MIB1: variants seen among roughly 807,000 people sequenced by gnomAD.
The protein encoded by MIB1 is E3 ubiquitin-protein ligase MIB1.
A neutral mutation model predicts 124.5 loss-of-function variants in MIB1; 278 were observed. That is an observed-to-expected ratio of 2.23 (90% CI 2.02 to 2.47). The LOEUF is 2.47. Among genes scored for constraint, MIB1 ranks in the 30% most tolerant of loss-of-function variants. The pLI, the probability that MIB1 is intolerant of heterozygous loss-of-function variation, is 0.00. For synonymous variants in MIB1, 446 were observed against 429.4 expected, an observed-to-expected ratio of 1.04 and a Z score of -0.48; for missense variants, 957 against 1,254.4, an observed-to-expected ratio of 0.76 and a Z score of 3.58.
intron 12 of MIB1, among the ~76,000 whole-genome samples, chr18:21,823,231 C>A (rs2041894794): frequency 3.1e-5 from 4 of 129,918 alleles, no homozygotes; most frequent in Non-Finnish European, 1.6e-5. Context: ...AAGACTGTAT[C>A]AAAAAAAAAA....
chr18:21,819,601 A>C lies in MIB1; in HGVS notation c.1784A>C (p.Asn595Thr). Reference sequence around the variant, plus strand: ...GCAGATGTTACCATCACAAACAATAATGGATTTAATGCTCTGCATCATGCT... The same window carrying C: ...GCAGATGTTACCATCACAAACAATACTGGATTTAATGCTCTGCATCATGCT... ...AGADVTITNN[N>T]GFNALHHAAL... Residue 595 changes from asparagine (N) to threonine (T), a missense_variant, in exon 12 of 21, where the codon AAT becomes ACT. Transcript: ENST00000261537. The C allele has an allele frequency of 6.2e-7, 1 of 1,611,930 alleles. No individual in the cohort carries two copies. The highest frequency in any genetic ancestry group is 8.5e-7 in the Non-Finnish European group (1 of 1,178,892).
chr18:21,757,308 C>T lies in MIB1; in HGVS notation c.230-8464C>T, dbSNP rs190667722. ...CTCTACTGAAAATACAAAAATTAGC[C>T]GGTTGTGGTGGCACATGCCTGTTAT... On this transcript the variant is annotated intron_variant, in intron 1 of 20. Coordinates refer to ENST00000261537, the MANE Select transcript of MIB1 (RefSeq NM_020774.4). 4.8e-4 allele frequency among the ~76,000 whole-genome samples: 72 copies of T among 151,118 alleles called. No homozygotes were observed. In the Middle Eastern group the frequency reaches 0.01, roughly 21 times the overall value.
intron 1 of MIB1, among the ~76,000 whole-genome samples, chr18:21,765,459 T>G (rs1327050717): frequency 6.6e-6 from 1 of 152,230 alleles, no homozygotes; most frequent in Non-Finnish European, 1.5e-5. Flanking sequence ...AAACATCTCC[T>G]TAGTGATAAA....
intron 12 of MIB1, 108 bp from the exon 13 acceptor site, chr18:21,838,257 T>TA: frequency 1.5e-6 from 1 of 682,424 alleles, no homozygotes; most frequent in Non-Finnish European, 2.3e-6. Flanking sequence ...TATTTGTCTC[T>TA]AAGAGCATTT....
At chr18:21,778,857 G>A (rs2041324573) in intron 5 of MIB1, among the ~76,000 whole-genome samples, 1 of 151,596 alleles carries the variant, frequency 6.6e-6, no homozygotes, top group South Asian at 2.1e-4. Flanking sequence ...CATCTATCTT[G>A]CTTTCACAAA....
At chr18:21,837,813 TG>T (rs1397253242) in intron 12 of MIB1, among the ~76,000 whole-genome samples, 4 of 152,230 alleles carry the variant, frequency 2.6e-5, no homozygotes, top group Non-Finnish European at 5.9e-5. Context: ...TTGCAATTCA[TG>T]ATAACCAGCT....
At chr18:21,833,877 CT>C (rs2042004581) in intron 12 of MIB1, among the ~76,000 whole-genome samples, 1 of 152,264 alleles carries the variant, frequency 6.6e-6, no homozygotes, top group African/African-American at 2.4e-5. Flanking sequence ...GTAGTAAGAT[CT>C]TATCTTTAAA....
chr18:21,856,240 A>AAAAAAAACC (rs5823316), intron 18 of MIB1, among the ~76,000 whole-genome samples: 1 of 135,446 alleles, frequency 7.4e-6, no homozygotes, highest in African/African-American at 2.7e-5. Flanking sequence ...CCGTCTCAAA[A>AAAAAAAACC]AAAAAACAAA....
At chr18:21,755,475 G>T (rs1191193085) in intron 1 of MIB1, among the ~76,000 whole-genome samples, 1 of 152,030 alleles carries the variant, frequency 6.6e-6, no homozygotes, top group East Asian at 1.9e-4. Flanking sequence ...AGGATTACAG[G>T]CGCGTACCAC....
intron 12 of MIB1, among the ~76,000 whole-genome samples, chr18:21,836,955 T>C (rs1228403930): frequency 2.0e-5 from 3 of 152,178 alleles, no homozygotes; most frequent in East Asian, 3.9e-4. Flanking sequence ...AGGACTAAAA[T>C]CCTTACTAGT....
chr18:21,731,443 A>G (rs562699093), intron 1 of MIB1, among the ~76,000 whole-genome samples: 4 of 152,160 alleles, frequency 2.6e-5, no homozygotes, highest in Admixed American at 1.3e-4. Flanking sequence ...AACTACTACA[A>G]ATAAAGCTGG....
chr18:21,857,375 G>A lies in MIB1; in HGVS notation c.2779+132G>A, dbSNP rs934752397. 3 of 632,742 alleles carry A rather than the reference G, an allele frequency of 4.7e-6. No homozygotes were observed. In the Admixed American group the frequency reaches 7.7e-5, roughly 16 times the overall value. The allele number at this position is 632,742 out of a possible 1,614,324, so 39.2% of individuals were successfully genotyped here. On this transcript the variant is annotated intron_variant, in intron 19 of 20. Coordinates refer to ENST00000261537, the MANE Select transcript of MIB1 (RefSeq NM_020774.4). The stretch of plus-strand genomic sequence containing the variant: ...CTGACTTGGATCCACAGTGGAACAG[G>A]TATTGTTTTCTGGTGCTCTTATTAT...
intron 12 of MIB1, chr18:21,826,971 C>G (rs1657545027): frequency 6.6e-6 from 1 of 152,066 alleles, no homozygotes; most frequent in East Asian, 1.9e-4. Flanking sequence ...CTGAAGATAG[C>G]AATAATACTG....
At chr18:21,727,058 G>A (rs1175861122) in intron 1 of MIB1, among the ~76,000 whole-genome samples, 2 of 151,954 alleles carry the variant, frequency 1.3e-5, no homozygotes, top group African/African-American at 2.4e-5. Context: ...TATTCTCCAC[G>A]GCCCCATGCT....
intron 1 of MIB1, among the ~76,000 whole-genome samples, chr18:21,757,564 A>C (rs1251395355): frequency 3.6e-5 from 5 of 136,996 alleles, no homozygotes; most frequent in African/African-American, 1.4e-4. Context: ...GGCTCACTGC[A>C]ACCTCCGCCT....
chr18:21,769,275 G>A (rs1042512363), intron 3 of MIB1, among the ~76,000 whole-genome samples: 1 of 152,220 alleles, frequency 6.6e-6, no homozygotes, highest in Non-Finnish European at 1.5e-5. Flanking sequence ...AGCTGATCTA[G>A]GTGGCAGGGA....
chr18:21,735,921 C>G (rs145324963), upstream of MIB1, among the ~76,000 whole-genome samples: 52 of 152,344 alleles, frequency 3.4e-4, no homozygotes, highest in African/African-American at 1.2e-3. Flanking sequence ...GACAGAGTAT[C>G]TGGGGGAAGG....
At chr18:21,804,035 T>C (rs544099211) in intron 10 of MIB1, 21 bp downstream of exon 10, 4 of 1,510,698 alleles carry the variant, frequency 2.6e-6, no homozygotes, top group Non-Finnish European at 3.7e-6. Flanking sequence ...TTGAAAAATA[T>C]TTTAAGTAAA....
chr18:21,841,229 G>C (rs2042086239), intron 13 of MIB1, among the ~76,000 whole-genome samples: 2 of 152,108 alleles, frequency 1.3e-5, no homozygotes, highest in Admixed American at 6.6e-5. Context: ...AGCCAGGCGT[G>C]GTGGCACGCA....
Sources: allele counts gnomAD v4.1 joint callset (sites outside exome capture counted in the v4.1 genomes callset), GRCh38; gene constraint gnomAD v4.1.1; transcripts MANE v1.5; gene names NCBI Gene and HGNC (gene_info 2026-07-23, HGNC 2026-07-21).